Variants in TRMT9B observed in about 807,000 individuals in gnomAD.
TRMT9B encodes probable tRNA methyltransferase 9B.
Under a neutral mutation model 11.5 loss-of-function variants are expected in TRMT9B, and 16 were observed. That is an observed-to-expected ratio of 1.39 (90% CI 0.94 to 2.11). The LOEUF (loss-of-function observed/expected upper bound fraction) is 2.11, where lower values mean the gene tolerates loss of function less well. TRMT9B is among the 30% of genes most tolerant of loss of function. TRMT9B has a pLI of 0.00. For synonymous variants in TRMT9B, 274 were observed against 192.4 expected (o/e 1.42, Z -3.51); for missense variants, 941 against 553.8 (o/e 1.70, Z -7.02).
chr8:12,989,939 G>A (rs1431133174), intron 1 of TRMT9B, among the ~76,000 whole-genome samples: 1 of 152,194 alleles, frequency 6.6e-6, no homozygotes, highest in Non-Finnish European at 1.5e-5. Flanking sequence ...AAGTTCTGAA[G>A]ACTAGAGAGA....
At chr8:12,964,593 G>C (rs966366791) in intron 1 of TRMT9B, among the ~76,000 whole-genome samples, 3 of 152,108 alleles carry the variant, frequency 2.0e-5, no homozygotes, top group African/African-American at 7.2e-5. Flanking sequence ...GTTTGTTTTT[G>C]AGACGGGGTC....
At position 13,012,849 on chromosome 8, in the gene TRMT9B, C is replaced by T. The variant is rs1307615964; in HGVS notation, c.320C>T (p.Ser107Phe). Residue 107 changes from serine to phenylalanine, a missense_variant, in exon 4 of 5, where the codon TCC (serine) becomes TTC (phenylalanine). Transcript: ENST00000524591. ...GATGAGGGCTTCGATGCCATCATCT[C>T]CATAGGAGGTAAGGCAGCCAGATCA... ...FRDEGFDAII[S>F]IGVIHHFSTK... 3.1e-6 allele frequency: 5 copies of T among 1,613,574 alleles called. No homozygotes were observed. The East Asian group carries it at 8.9e-5, about 29-fold the overall frequency.
chr8:13,020,417 G>A lies in TRMT9B; in HGVS notation c.329-591G>A, dbSNP rs186215923. ...CAGGAATTGGAAGTAAAATGATGAT[G>A]TATACATTGATTTTTTAAATAGACA... On this transcript the variant is annotated intron_variant, in intron 4 of 4. Coordinates refer to ENST00000524591, the MANE Select transcript of TRMT9B (RefSeq NM_020844.3). Among the ~76,000 whole-genome samples the A allele has an allele frequency of 5.2e-3, 794 of 152,250 alleles. 3 individuals are homozygous for A. The highest frequency in any genetic ancestry group is 7.8e-3 in the Non-Finnish European group (531 of 68,010).
chr8:12,979,236 C>T (rs1804965115), intron 1 of TRMT9B, among the ~76,000 whole-genome samples: 1 of 152,194 alleles, frequency 6.6e-6, no homozygotes, highest in Non-Finnish European at 1.5e-5. Flanking sequence ...CCAGTTTTGA[C>T]CCCTGCAGGC....
chr8:13,006,513 T>G, intron 3 of TRMT9B, 157 bp downstream of exon 3: 6 of 1,461,380 alleles, frequency 4.1e-6, no homozygotes. Context: ...ATACCTTCCA[T>G]TGAGCCTTTG....
chr8:13,013,971 C>G (rs1390761434), intron 4 of TRMT9B, among the ~76,000 whole-genome samples: 2 of 152,036 alleles, frequency 1.3e-5, no homozygotes, highest in Admixed American at 6.6e-5. Context: ...AAAATAAAAA[C>G]TATTTGATTA....
intron 1 of TRMT9B, among the ~76,000 whole-genome samples, chr8:12,953,934 CTT>C (rs1326054754): frequency 1.3e-5 from 2 of 152,180 alleles, no homozygotes; most frequent in Non-Finnish European, 2.9e-5. Flanking sequence ...TGTATACACT[CTT>C]TTTCTAACTC....
chr8:13,020,990 T>G lies in TRMT9B; in HGVS notation c.329-18T>G, dbSNP rs114522552. 2.6e-3 allele frequency: 3,819 copies of G among 1,491,512 alleles called. 88 individuals carry two copies. The African/African-American group carries it at 0.048, about 19-fold the overall frequency. The allele number at this position is 1,491,512 out of a possible 1,614,324, so 92.4% of individuals were successfully genotyped here. Reference sequence around the variant, plus strand: ...ATGTGTGTGCATACACACTGAGATCTAGTTTTGTCTTTTTCAGTCATACAT... The same window carrying G: ...ATGTGTGTGCATACACACTGAGATCGAGTTTTGTCTTTTTCAGTCATACAT... On this transcript the variant is annotated intron_variant, in intron 4 of 4. Coordinates refer to ENST00000524591, the MANE Select transcript of TRMT9B (RefSeq NM_020844.3).
In TRMT9B at chr8:12,968,519, C is replaced by G. The variant is rs1317623635; in HGVS notation, c.-199-22315C>G. ...AATTACCAAAATCCCTTAATGCTTT[C>G]TAATAGGTGGTCTGCATTTTAATGG... On this transcript the variant is annotated intron_variant, in intron 1 of 4. Coordinates refer to ENST00000524591, the MANE Select transcript of TRMT9B (RefSeq NM_020844.3). Among the ~76,000 whole-genome samples, 3 of 152,198 alleles carry G rather than the reference C, an allele frequency of 2.0e-5. No individual in the cohort carries two copies. In the East Asian group the frequency reaches 5.8e-4, roughly 29 times the overall value.
chr8:12,984,519 T>G (rs1237033362), intron 1 of TRMT9B, among the ~76,000 whole-genome samples: 1 of 152,180 alleles, frequency 6.6e-6, no homozygotes, highest in Admixed American at 6.5e-5. Flanking sequence ...TTACTTGTCC[T>G]CCATCCTGCC....
intron 1 of TRMT9B, among the ~76,000 whole-genome samples, chr8:12,983,797 G>T (rs371684802): frequency 6.6e-6 from 1 of 152,144 alleles, no homozygotes; most frequent in African/African-American, 2.4e-5. Flanking sequence ...GGGTACAGTA[G>T]CCTTTTAATC....
Position 13,021,044 on chromosome 8 carries a change from G to A in TRMT9B, c.365G>A (p.Arg122Lys). The change falls in exon 5 of 5, where the codon AGA (arginine) becomes AAA (lysine). Residue 122 changes from arginine to lysine, a missense_variant. By Grantham distance (26) the Arg-to-Lys change is conservative (BLOSUM62 2). Coordinates refer to ENST00000524591, the MANE Select transcript of TRMT9B (RefSeq NM_020844.3). ...HHFSTKQRRI[R>K]AIKEMARVLV... ...TTTTCTACAAAACAAAGAAGAATCA[G>A]AGCAATAAAAGAAATGGCCAGGGTC... The A allele has an allele frequency of 6.3e-7, 1 of 1,576,038 alleles. No individual in the cohort carries two copies. The highest frequency in any genetic ancestry group is 1.2e-5 in the South Asian group (1 of 85,340).
rs534243103 is a variant in TRMT9B, at chr8:13,027,070, T to C, written c.*5026T>C. The C allele has an allele frequency of 4.8e-5, 8 of 167,248 alleles. No individual in the cohort carries two copies. Among genetic ancestry groups the C allele is most frequent in the African/African-American group, 1.7e-4 (7 of 41,596 alleles). 10.4% of individuals were successfully genotyped at this position (167,248 alleles called of 1,614,324 possible). On this transcript the variant is annotated 3_prime_UTR_variant, in exon 5 of 5. Transcript: ENST00000524591. ...CTTCAACCTTTCAACAATTATATTATTGTTTTCCCATTTTATAAGTAAGGC... is the reference window on the plus strand; with the variant it reads ...CTTCAACCTTTCAACAATTATATTACTGTTTTCCCATTTTATAAGTAAGGC...
At chr8:12,964,197 A>G (rs1802509740) in intron 1 of TRMT9B, among the ~76,000 whole-genome samples, 1 of 152,206 alleles carries the variant, frequency 6.6e-6, no homozygotes, top group Non-Finnish European at 1.5e-5. Flanking sequence ...ATTTTTCAAA[A>G]ATATTGTATT....
At chr8:13,012,276 T>TAAA in intron 3 of TRMT9B, 2 of 943,548 alleles carry the variant, frequency 2.1e-6, no homozygotes, top group Non-Finnish European at 2.5e-6. Context: ...CTTGGTTAGT[T>TAAA]AAAAAAAAAA....
At chr8:12,978,514 TAGATGATAGATA>T (rs1585175799) in intron 1 of TRMT9B, among the ~76,000 whole-genome samples, 238 of 12,008 alleles carry the variant, frequency 0.02, 1 homozygote, top group Non-Finnish European at 0.03. Context: ...AGATGATAGA[TAGATGATAGATA>T]GATAGATAGA....
chr8:12,996,800 C>G (rs1387018063), intron 2 of TRMT9B, among the ~76,000 whole-genome samples: 3 of 151,956 alleles, frequency 2.0e-5, no homozygotes, highest in Admixed American at 6.6e-5. Flanking sequence ...TAACCCGAGC[C>G]CAGATCAAGA....
chr8:12,984,081 G>A (rs906324432), intron 1 of TRMT9B, among the ~76,000 whole-genome samples: 4 of 152,132 alleles, frequency 2.6e-5, no homozygotes, highest in African/African-American at 9.7e-5. Flanking sequence ...AGATAGTGAC[G>A]CCTTTTCTTT....
At position 12,995,920 on chromosome 8, in the gene TRMT9B, A is replaced by C. The variant is rs1585264144; in HGVS notation, c.-2+4889A>C. On this transcript the variant is annotated intron_variant, in intron 2 of 4. Coordinates refer to ENST00000524591, the MANE Select transcript of TRMT9B (RefSeq NM_020844.3). Reference sequence around the variant, plus strand: ...GTAGACTAAATATCACAGATGATCCACATGAGAGTAATAAATGAGGACACT... The same window carrying C: ...GTAGACTAAATATCACAGATGATCCCCATGAGAGTAATAAATGAGGACACT... 5.3e-5 allele frequency among the ~76,000 whole-genome samples: 8 copies of C among 152,234 alleles called. 1 individual carries two copies. The highest frequency in any genetic ancestry group is 5.2e-4 in the Admixed American group (8 of 15,284).
Sources: gnomAD v4.1 joint callset for allele counts (sites outside exome capture counted in the v4.1 genomes callset) on GRCh38, gnomAD v4.1.1 for gene constraint, MANE v1.5 for transcripts, NCBI Gene and HGNC (gene_info 2026-07-23, HGNC 2026-07-21) for gene names.